The following KCNIP4 variants were observed in gnomAD, a reference collection of about 807,000 sequenced individuals.
The protein encoded by KCNIP4 is potassium voltage-gated channel interacting protein 4, also known as Kv channel-interacting protein 4.
Under a neutral mutation model 34.0 loss-of-function variants are expected in KCNIP4, and 12 were observed. That is an observed-to-expected ratio of 0.35 (90% CI 0.23 to 0.57). KCNIP4 has a LOEUF of 0.57. Ranked by LOEUF, KCNIP4 falls within the 20% of genes least tolerant of loss-of-function variation. The pLI is 0.83. For synonymous variants in KCNIP4, 124 were observed against 102.2 expected, an observed-to-expected ratio of 1.21 and a Z score of -1.29; for missense variants, 238 against 311.7, an observed-to-expected ratio of 0.76 and a Z score of 1.78.
intron 1 of KCNIP4, among the ~76,000 whole-genome samples, chr4:21,325,018 T>C (rs1714891117): frequency 6.6e-6 from 1 of 151,958 alleles, no homozygotes; most frequent in African/African-American, 2.4e-5. Flanking sequence ...GCAACTATTA[T>C]AAATGGGATT....
At chr4:21,728,987 G>A (rs1289274616) in intron 1 of KCNIP4, among the ~76,000 whole-genome samples, 1 of 152,070 alleles carries the variant, frequency 6.6e-6, no homozygotes, top group Non-Finnish European at 1.5e-5. Flanking sequence ...GCATTCGTGT[G>A]AGCATGCACA....
intron 3 of KCNIP4, among the ~76,000 whole-genome samples, chr4:20,836,094 A>T (rs11727733): frequency 0.36 from 54,688 of 151,938 alleles, 10,341 homozygotes; most frequent in Non-Finnish European, 0.43. Flanking sequence ...ACAAACATAA[A>T]TTTGTGTCAT....
intron 1 of KCNIP4, among the ~76,000 whole-genome samples, chr4:21,490,134 A>G (rs886174400): frequency 6.6e-6 from 1 of 152,158 alleles, no homozygotes; most frequent in African/African-American, 2.4e-5. Context: ...ATTTTTATAC[A>G]TTTAATAATT....
chr4:20,952,418 G>A (rs1732875840), intron 1 of KCNIP4, among the ~76,000 whole-genome samples: 1 of 152,042 alleles, frequency 6.6e-6, no homozygotes, highest in African/African-American at 2.4e-5. Context: ...TTATCACAAT[G>A]TATGTACTAA....
At chr4:21,707,281 A>G (rs960932903) in intron 1 of KCNIP4, among the ~76,000 whole-genome samples, 1 of 152,188 alleles carries the variant, frequency 6.6e-6, no homozygotes, top group Non-Finnish European at 1.5e-5. Context: ...TGACAATGTG[A>G]ACAAATATTT....
At chr4:21,746,117 T>C (rs1341995885) in intron 1 of KCNIP4, among the ~76,000 whole-genome samples, 1 of 152,112 alleles carries the variant, frequency 6.6e-6, no homozygotes, top group Non-Finnish European at 1.5e-5. Context: ...GTTGTCTGTG[T>C]CCTAATTTCC....
intron 1 of KCNIP4, among the ~76,000 whole-genome samples, chr4:21,922,867 T>C (rs1382714407): frequency 6.6e-6 from 1 of 152,188 alleles, no homozygotes; most frequent in Non-Finnish European, 1.5e-5. Flanking sequence ...CATACAATGA[T>C]GCCCTCCAAA....
intron 3 of KCNIP4, among the ~76,000 whole-genome samples, chr4:20,832,722 T>C (rs1158076911): frequency 1.4e-5 from 2 of 141,528 alleles, no homozygotes; most frequent in Admixed American, 1.4e-4. Context: ...GAATGCTTTT[T>C]ATTTAAAAAA....
At chr4:20,794,740 T>C (rs1252580797) in intron 3 of KCNIP4, among the ~76,000 whole-genome samples, 1 of 152,180 alleles carries the variant, frequency 6.6e-6, no homozygotes, top group Non-Finnish European at 1.5e-5. Context: ...AAAAAATTGT[T>C]TAAGCTGCAC....
At chr4:21,475,266 C>A (rs1033357532) in intron 1 of KCNIP4, among the ~76,000 whole-genome samples, 1 of 152,076 alleles carries the variant, frequency 6.6e-6, no homozygotes, top group African/African-American at 2.4e-5. Context: ...ATTAGAGTTG[C>A]ACTTTACTCC....
intron 1 of KCNIP4, among the ~76,000 whole-genome samples, chr4:21,600,677 C>T (rs567070614): frequency 6.6e-6 from 1 of 152,204 alleles, no homozygotes; most frequent in South Asian, 2.1e-4. Context: ...TGACCTAGTA[C>T]TGGTAAACAC....
chr4:21,135,159 A>T (rs761810248), intron 1 of KCNIP4, among the ~76,000 whole-genome samples: 10 of 152,232 alleles, frequency 6.6e-5, no homozygotes, highest in Non-Finnish European at 8.8e-5. Context: ...CAGGTTCACC[A>T]GACTGCCTCT....
intron 1 of KCNIP4, among the ~76,000 whole-genome samples, chr4:21,730,995 T>C (rs1478361145): frequency 6.6e-6 from 1 of 151,906 alleles, no homozygotes; most frequent in Non-Finnish European, 1.5e-5. Flanking sequence ...ACTCCTGTAG[T>C]CCCAGTTTCT....
At chr4:21,469,790 T>C (rs1012552114) in intron 1 of KCNIP4, among the ~76,000 whole-genome samples, 1 of 152,092 alleles carries the variant, frequency 6.6e-6, no homozygotes, top group African/African-American at 2.4e-5. Context: ...AAAGTGTACA[T>C]GTGATAATAC....
In KCNIP4 at chr4:21,242,826, CAT is replaced by C. The variant is rs374923091; in HGVS notation, c.62-360119_62-360118del. On this transcript the variant is annotated intron_variant, in intron 1 of 8. Coordinates refer to ENST00000382152, the MANE Select transcript of KCNIP4 (RefSeq NM_025221.6). ...TGAAACTTCTCAGCCTCTATAATTACATGAGGCAATTCCTCAAAATAAATACA... is the reference window on the plus strand; with the variant it reads ...TGAAACTTCTCAGCCTCTATAATTACGAGGCAATTCCTCAAAATAAATACA... Among the ~76,000 whole-genome samples the C allele has an allele frequency of 6.6e-5, 10 of 152,120 alleles. 1 individual carries two copies. In the East Asian group the frequency reaches 1.7e-3, roughly 27 times the overall value.
intron 1 of KCNIP4, among the ~76,000 whole-genome samples, chr4:21,010,282 A>G (rs1189079615): frequency 6.6e-6 from 1 of 152,220 alleles, no homozygotes; most frequent in African/African-American, 2.4e-5. Flanking sequence ...TCACTGAAAG[A>G]ATACAGGATG....
intron 1 of KCNIP4, among the ~76,000 whole-genome samples, chr4:20,897,008 A>G (rs1433885882): frequency 6.6e-6 from 1 of 151,910 alleles, no homozygotes; most frequent in Admixed American, 6.6e-5. Flanking sequence ...CATGGAGTGG[A>G]TTTCTACTTG....
intron 1 of KCNIP4, among the ~76,000 whole-genome samples, chr4:21,908,395 A>C (rs1034637008): frequency 5.3e-5 from 8 of 152,066 alleles, no homozygotes; most frequent in Non-Finnish European, 1.2e-4. Context: ...ATCCTTCCCC[A>C]AGCTCCCCGT....
chr4:21,667,019 C>G (rs991959105), intron 1 of KCNIP4, among the ~76,000 whole-genome samples: 3 of 152,196 alleles, frequency 2.0e-5, no homozygotes, highest in Admixed American at 6.5e-5. Context: ...ATCTCAGGAA[C>G]TCTGGGAAGG....
Sources: gnomAD v4.1 joint callset for allele counts (sites outside exome capture counted in the v4.1 genomes callset) on GRCh38, gnomAD v4.1.1 for gene constraint, MANE v1.5 for transcripts, NCBI Gene and HGNC (gene_info 2026-07-23, HGNC 2026-07-21) for gene names.